Variants in BSN observed in about 807,000 individuals in gnomAD.
BSN encodes bassoon presynaptic cytomatrix protein.
In BSN, 57 loss-of-function variants were observed where a neutral mutation model predicts 264.8. That is an observed-to-expected ratio of 0.22 (90% CI 0.17 to 0.27). BSN has a LOEUF of 0.27. Among genes scored for constraint, BSN ranks in the 10% least tolerant of loss-of-function variants. The pLI is 1.00. For missense variants in BSN, 4,615 were observed against 5,232.5 expected (o/e 0.88, Z 3.64); for synonymous variants, 2,059 against 2,137.3 (o/e 0.96, Z 1.01).
At position 49,653,571 on chromosome 3, in the gene BSN, G is replaced by C; in HGVS notation, c.4015G>C (p.Asp1339His). The part of the protein sequence containing the change: ...SDSSGGRVIP[D>H]VRVTQHFAKE... ...CAGCAGCGGGGGCCGAGTTATTCCC[G>C]ATGTCCGTGTCACTCAGCATTTTGC... The change falls in exon 5 of 12, where the codon GAT (aspartate) becomes CAT (histidine). Residue 1339 changes from aspartate to histidine, a missense_variant. This residue lies in a region of BSN where 3,415 missense variants were observed against 3,866.4 expected (regional missense o/e 0.88). Coordinates refer to ENST00000296452, the MANE Select transcript of BSN (RefSeq NM_003458.4). The surrounding 1 kb of genome is among the most constrained non-coding windows in gnomAD (Gnocchi z 6.3). The C allele has an allele frequency of 3.1e-6, 5 of 1,613,724 alleles. No individual in the cohort carries two copies. Among genetic ancestry groups the C allele is most frequent in the East Asian group, 4.5e-5 (2 of 44,860 alleles).
intron 1 of BSN, among the ~76,000 whole-genome samples, chr3:49,587,244 G>A (rs1334900857): frequency 6.6e-6 from 1 of 152,156 alleles, no homozygotes; most frequent in East Asian, 1.9e-4. Context: ...AAATACTACT[G>A]ATTTTTGTAT....
intron 1 of BSN, among the ~76,000 whole-genome samples, chr3:49,572,357 G>C (rs2051803650): frequency 6.6e-6 from 1 of 152,178 alleles, no homozygotes; most frequent in Admixed American, 6.5e-5. Context: ...TGAGTAGGGA[G>C]TGGGTGATGG....
intron 3 of BSN, among the ~76,000 whole-genome samples, chr3:49,647,002 T>C (rs1431342482): frequency 2.6e-5 from 4 of 152,166 alleles, no homozygotes; most frequent in African/African-American, 9.7e-5. Context: ...CCCCTGGGCA[T>C]CCTTTTCTCT....
intron 1 of BSN, among the ~76,000 whole-genome samples, chr3:49,566,119 C>T (rs527705881): frequency 1.3e-5 from 2 of 152,332 alleles, no homozygotes; most frequent in African/African-American, 4.8e-5. Context: ...GCCACTGTGC[C>T]TGGCCCCAAA....
chr3:49,651,689 A>G lies in BSN; in HGVS notation c.2133A>G (p.Ala711=), dbSNP rs867791900. Residue 711 remains alanine, a synonymous_variant, in exon 5 of 12, where the codon GCA becomes GCG. Coordinates refer to ENST00000296452, the MANE Select transcript of BSN (RefSeq NM_003458.4). The surrounding 1 kb of genome is among the most constrained non-coding windows in gnomAD (Gnocchi z 5.4). The part of the protein sequence containing the change: ...VQQEVEQLDS[A]GVTGPHPPSP... The stretch of plus-strand genomic sequence containing the variant: ...AGGAGGTGGAACAGCTGGACAGTGC[A>G]GGGGTGACAGGGCCACATCCACCCA... 1.9e-6 allele frequency: 3 copies of G among 1,614,068 alleles called. No individual in the cohort carries two copies. Among genetic ancestry groups the G allele is most frequent in the African/African-American group, 2.7e-5 (2 of 75,044 alleles).
At position 49,658,137 on chromosome 3, in the gene BSN, G is replaced by C. The variant is rs755443229; in HGVS notation, c.8581G>C (p.Glu2861Gln). 1 of 1,606,408 alleles carries C rather than the reference G, an allele frequency of 6.2e-7. No homozygotes were observed. The highest frequency in any genetic ancestry group is 8.5e-7 in the Non-Finnish European group (1 of 1,175,654). The stretch of plus-strand genomic sequence containing the variant: ...CCCTAAGCCCCTCAGCCCCACCGCC[G>C]AAGAGTCTGCCAAAGAGAGATTCTC... ...SDPKPLSPTA[E>Q]ESAKERFSLY... The change falls in exon 5 of 12, where the codon GAA becomes CAA. Residue 2861 changes from glutamate to glutamine, a missense_variant. By Grantham distance (29) the Glu-to-Gln change is conservative (BLOSUM62 2). This residue lies in a region of BSN where 3,415 missense variants were observed against 3,866.4 expected (regional missense o/e 0.88). Coordinates refer to ENST00000296452, the MANE Select transcript of BSN (RefSeq NM_003458.4).
chr3:49,592,581 G>A (rs1460649677), intron 1 of BSN, among the ~76,000 whole-genome samples: 19 of 150,634 alleles, frequency 1.3e-4, no homozygotes, highest in African/African-American at 3.9e-4. Flanking sequence ...GTGAAACCCC[G>A]TCTCTACTAA....
chr3:49,609,089 CTTTTTT>C (rs35003449), intron 1 of BSN, among the ~76,000 whole-genome samples: 3 of 89,034 alleles, frequency 3.4e-5, no homozygotes, highest in Non-Finnish European at 6.5e-5. Flanking sequence ...GTTAAATTGA[CTTTTTT>C]TTTTTTTTTT....
rs763610525 is a variant in BSN at position 49,654,414 on chromosome 3, A to C, written c.4858A>C (p.Ser1620Arg). 6 of 1,600,420 alleles carry C rather than the reference A, an allele frequency of 3.7e-6. No individual in the cohort carries two copies. Among genetic ancestry groups the C allele is most frequent in the African/African-American group, 2.7e-5 (2 of 74,882 alleles). Residue 1620 changes from serine (S) to arginine (R), a missense_variant, in exon 5 of 12, where the codon AGT becomes CGT. Around this residue, in one of 3 missense-constraint regions of BSN, gnomAD observed 3,415 missense variants for 3,866.4 expected, o/e 0.88. Transcript: ENST00000296452. The surrounding 1 kb of genome is among the most constrained non-coding windows in gnomAD (Gnocchi z 4.1). Reference sequence around the variant, plus strand: ...GCCACCTGGCTTTCCACGGGTGCCCAGTGCTGGTGCAGATGGGCCCCTGGC... The same window carrying C: ...GCCACCTGGCTTTCCACGGGTGCCCCGTGCTGGTGCAGATGGGCCCCTGGC... ...PGPPGFPRVP[S>R]AGADGPLALY...
chr3:49,607,871 C>T (rs780938698), intron 1 of BSN, among the ~76,000 whole-genome samples: 10 of 152,328 alleles, frequency 6.6e-5, no homozygotes, highest in Middle Eastern at 3.4e-3. Flanking sequence ...GTGGGTCCAG[C>T]CACCTGAAAG....
chr3:49,662,763 G>C (rs938554955), intron 6 of BSN, 113 bp from the exon 7 acceptor site: 1 of 1,426,206 alleles, frequency 7.0e-7, no homozygotes, highest in Non-Finnish European at 9.3e-7. Flanking sequence ...GGGGCCTGCT[G>C]ATCTGCTTGT....
chr3:49,574,132 A>T (rs1248067276), intron 1 of BSN, among the ~76,000 whole-genome samples: 64 of 127,952 alleles, frequency 5.0e-4, no homozygotes, highest in South Asian at 1.0e-3. Context: ...GTATTTTTGT[A>T]TTTTTTTTTT....
chr3:49,663,099 C>G lies in BSN; in HGVS notation c.10941C>G (p.His3647Gln), dbSNP rs150688145. ...ATGCCTCAGCCAAGGAACACCGGCA[C>G]GGTGACCACGGGCGGCACTCAGGCC... ...GRHASAKEHRHGDHGRHSGRH... is the reference protein window; with the variant it reads ...GRHASAKEHRQGDHGRHSGRH... The change falls in exon 7 of 12, where the codon CAC (histidine) becomes CAG (glutamine). Residue 3647 changes from histidine to glutamine, a missense_variant. By Grantham distance (24) the His-to-Gln change is conservative. Around this residue, in one of 3 missense-constraint regions of BSN, gnomAD observed 3,415 missense variants for 3,866.4 expected, o/e 0.88. Transcript: ENST00000296452. 6.2e-7 allele frequency: 1 copy of G among 1,611,820 alleles called. No homozygotes were observed. Among genetic ancestry groups the G allele is most frequent in the Non-Finnish European group, 8.5e-7 (1 of 1,179,626 alleles).
intron 1 of BSN, among the ~76,000 whole-genome samples, chr3:49,613,502 A>ATTT (rs908149113): frequency 5.5e-5 from 8 of 146,136 alleles, no homozygotes; most frequent in Middle Eastern, 3.5e-3. Flanking sequence ...TATTATTATT[A>ATTT]TTTTTTTTTG....
At position 49,660,723 on chromosome 3, in the gene BSN, A is replaced by C; in HGVS notation, c.8878A>C (p.Lys2960Gln). ...GGAGCATGAGTCCACCAAACTGCGC[A>C]AGAAGCAGGCAGAGCTGGATGAGGA... is the stretch of plus-strand genomic sequence containing the variant. ...LVEHESTKLR[K>Q]KQAELDEEEK... is the part of the protein sequence containing the mutation. Residue 2960 changes from lysine to glutamine, a missense_variant, in exon 6 of 12, where the codon AAG becomes CAG. Transcript: ENST00000296452. The surrounding 1 kb of genome is among the most constrained non-coding windows in gnomAD (Gnocchi z 7.1). 2 of 1,613,176 alleles carry C rather than the reference A, an allele frequency of 1.2e-6. No homozygotes were observed. Among genetic ancestry groups the C allele is most frequent in the Non-Finnish European group, 1.7e-6 (2 of 1,179,936 alleles).
At chr3:49,560,660 G>A (rs941971846) in intron 1 of BSN, among the ~76,000 whole-genome samples, 1 of 152,212 alleles carries the variant, frequency 6.6e-6, no homozygotes, top group South Asian at 2.1e-4. Flanking sequence ...TGTCATGCTG[G>A]TATTGATCCT....
intron 1 of BSN, among the ~76,000 whole-genome samples, chr3:49,599,115 T>C (rs2052050359): frequency 6.6e-6 from 1 of 152,218 alleles, no homozygotes; most frequent in Non-Finnish European, 1.5e-5. Context: ...CCCCTGGGTC[T>C]GAGTAGCTTT....
At chr3:49,607,681 T>C (rs1218344273) in intron 1 of BSN, among the ~76,000 whole-genome samples, 1 of 152,224 alleles carries the variant, frequency 6.6e-6, no homozygotes, top group Non-Finnish European at 1.5e-5. Flanking sequence ...TCTGTCTTGA[T>C]GGAATTTAGG....
At chr3:49,562,557 G>A (rs1437708127) in intron 1 of BSN, among the ~76,000 whole-genome samples, 1 of 152,192 alleles carries the variant, frequency 6.6e-6, no homozygotes, top group Non-Finnish European at 1.5e-5. Context: ...TATTTGTATG[G>A]TATTTTACAG....
Sources: allele counts gnomAD v4.1 joint callset (sites outside exome capture counted in the v4.1 genomes callset), GRCh38; gene constraint gnomAD v4.1.1; regional missense constraint gnomAD v4.1.1; non-coding constraint Gnocchi (gnomAD v3.1); transcripts MANE v1.5; gene names NCBI Gene and HGNC (gene_info 2026-07-23, HGNC 2026-07-21).